Variants in RARA observed in about 807,000 individuals in gnomAD.
RARA encodes PML-DDX5-RARA fusion.
In RARA, 5 loss-of-function variants were observed where a neutral mutation model predicts 42.8. The ratio of observed to expected loss-of-function variants is 0.12; its 90% CI spans 0.06 to 0.25. The LOEUF (loss-of-function observed/expected upper bound fraction) is 0.25, where lower values mean the gene tolerates loss of function less well. Among genes scored for constraint, RARA ranks in the 10% least tolerant of loss-of-function variants. The probability of loss-of-function intolerance (pLI) is 1.00; values close to 1 mark genes in which losing one functional copy is unlikely to be tolerated. For missense variants in RARA, 402 were observed against 628.7 expected (o/e 0.64, Z 3.86); for synonymous variants, 256 against 259.5 (o/e 0.99, Z 0.13).
At chr17:40,314,971 C>T (rs1159620116) in intron 1 of RARA, among the ~76,000 whole-genome samples, 5 of 151,500 alleles carry the variant, frequency 3.3e-5, no homozygotes, top group South Asian at 2.1e-4. Context: ...GCAAGGATGG[C>T]GCTTCTCCCT....
intron 3 of RARA, 162 bp downstream of exon 3, chr17:40,348,626 C>A: frequency 1.2e-6 from 1 of 863,200 alleles, no homozygotes; most frequent in Non-Finnish European, 1.7e-6. Flanking sequence ...ACAGTTTCCC[C>A]ACAGGTCCTC....
intron 3 of RARA, chr17:40,349,550 T>G: frequency 2.0e-6 from 1 of 512,072 alleles, no homozygotes; most frequent in Non-Finnish European, 3.5e-6. Context: ...TGCTGTGGGT[T>G]GGGGGAAGAC....
At chr17:40,328,805 A>G (rs143193269) in intron 1 of RARA, among the ~76,000 whole-genome samples, 1 of 152,292 alleles carries the variant, frequency 6.6e-6, no homozygotes, top group East Asian at 1.9e-4. Flanking sequence ...CATTTTATTT[A>G]TTCGTCAGTT....
Position 40,349,764 on chromosome 17 carries a change from T to C in RARA, c.328-20T>C. Reference sequence around the variant, plus strand: ...CCACTGTGGGTGTGGACAACCTGACTCCCTCCCCTCCATACCCAGGGCTTC... The same window carrying C: ...CCACTGTGGGTGTGGACAACCTGACCCCCTCCCCTCCATACCCAGGGCTTC... On this transcript the variant is annotated intron_variant, in intron 3 of 8. Coordinates refer to ENST00000254066, the MANE Select transcript of RARA (RefSeq NM_000964.4). 1 of 1,613,470 alleles carries C rather than the reference T, an allele frequency of 6.2e-7. No homozygotes were observed. Among genetic ancestry groups the C allele is most frequent in the African/African-American group, 1.3e-5 (1 of 75,010 alleles).
intron 1 of RARA, among the ~76,000 whole-genome samples, chr17:40,321,025 C>T (rs924127361): frequency 6.6e-6 from 1 of 152,148 alleles, no homozygotes; most frequent in African/African-American, 2.4e-5. Context: ...CTCTCTGACG[C>T]CTGCTGTCTT....
intron 1 of RARA, among the ~76,000 whole-genome samples, chr17:40,328,582 C>T (rs1041399784): frequency 2.0e-5 from 3 of 152,146 alleles, no homozygotes; most frequent in Non-Finnish European, 4.4e-5. Context: ...CAGTCACTTC[C>T]CATATTCCTC....
intron 1 of RARA, among the ~76,000 whole-genome samples, chr17:40,319,824 G>T (rs993022429): frequency 6.8e-6 from 1 of 146,590 alleles, no homozygotes; most frequent in South Asian, 2.1e-4. Context: ...GGAGGGGGCC[G>T]GGGGGGGCGG....
In RARA at chr17:40,351,497, G is replaced by A; in HGVS notation, c.470-413G>A. ...AGGAGCTGCTCAGAGCCAGTCCCAA[G>A]GGACCCCCAGGGAGACTGCAGCTGG... On this transcript the variant is annotated intron_variant, in intron 4 of 8. Coordinates refer to ENST00000254066, the MANE Select transcript of RARA (RefSeq NM_000964.4). This position sits in a 1 kb window ranked among gnomAD's most constrained non-coding sequence, Gnocchi z 4.1. 2.1e-6 allele frequency: 1 copy of A among 474,202 alleles called. No individual in the cohort carries two copies. The highest frequency in any genetic ancestry group is 1.6e-5 in the South Asian group (1 of 64,436). The allele number at this position is 474,202 out of a possible 1,614,324, so 29.4% of individuals were successfully genotyped here. A position where few individuals can be genotyped will look rare whatever the true frequency, so the allele number is the denominator to read the frequency against.
intron 1 of RARA, among the ~76,000 whole-genome samples, chr17:40,330,437 G>A (rs961040074): frequency 6.6e-6 from 1 of 152,154 alleles, no homozygotes; most frequent in Admixed American, 6.5e-5. Context: ...TTTCTGAGAA[G>A]TGCCAATGCT....
At chr17:40,323,373 T>G (rs2033445509) in intron 1 of RARA, 1 of 152,288 alleles carries the variant, frequency 6.6e-6, no homozygotes, top group Admixed American at 6.5e-5. Context: ...TATACAGTTC[T>G]GGAGCCTGCT....
intron 2 of RARA, among the ~76,000 whole-genome samples, chr17:40,333,661 G>A (rs2033764894): frequency 6.6e-6 from 1 of 150,872 alleles, no homozygotes; most frequent in African/African-American, 2.4e-5. Context: ...TTTTCTCATA[G>A]GGTCTCACTC....
At chr17:40,309,950 G>T (rs1256629514) in intron 1 of RARA, among the ~76,000 whole-genome samples, 1 of 152,240 alleles carries the variant, frequency 6.6e-6, no homozygotes, top group Non-Finnish European at 1.5e-5. Context: ...GTGTGTGTGT[G>T]TGTAGGGACA....
intron 2 of RARA, among the ~76,000 whole-genome samples, chr17:40,340,190 A>G (rs2033989445): frequency 6.7e-6 from 1 of 149,502 alleles, no homozygotes; most frequent in African/African-American, 2.5e-5. Flanking sequence ...CAGCACTTCC[A>G]GTTTCCTAGG....
At chr17:40,353,348 A>C (rs1434165673) in intron 6 of RARA, among the ~76,000 whole-genome samples, 2 of 150,506 alleles carry the variant, frequency 1.3e-5, no homozygotes, top group South Asian at 2.1e-4. Context: ...TGGAGGGAGC[A>C]CTCTCCTTCC....
intron 1 of RARA, among the ~76,000 whole-genome samples, chr17:40,330,344 G>A (rs2033658869): frequency 6.6e-6 from 1 of 152,174 alleles, no homozygotes; most frequent in Non-Finnish European, 1.5e-5. Flanking sequence ...CCCAGGGCCT[G>A]TGGGACAAAC....
chr17:40,338,016 T>TA (rs2033907413), intron 2 of RARA, among the ~76,000 whole-genome samples: 1 of 152,238 alleles, frequency 6.6e-6, no homozygotes, highest in African/African-American at 2.4e-5. Flanking sequence ...ATGGAGTTTT[T>TA]AATGAAAATG....
chr17:40,319,032 GGGGT>G (rs1451527132), intron 1 of RARA, among the ~76,000 whole-genome samples: 1 of 152,164 alleles, frequency 6.6e-6, no homozygotes, highest in East Asian at 1.9e-4. Context: ...GTGCCACCAT[GGGGT>G]GTGGGAACTT....
intron 1 of RARA, among the ~76,000 whole-genome samples, chr17:40,317,969 G>A (rs369179771): frequency 1.2e-4 from 18 of 152,142 alleles, no homozygotes; most frequent in East Asian, 3.9e-4. Flanking sequence ...TCCACCGAGC[G>A]CTATTTTCAT....
Position 40,356,493 on chromosome 17 carries a change from ATGGGT to A in RARA, c.*268_*272del. The A allele has an allele frequency of 2.9e-6, 2 of 682,252 alleles. No homozygotes were observed. The highest frequency in any genetic ancestry group is 5.4e-6 in the Non-Finnish European group (2 of 371,882). 42.3% of individuals were successfully genotyped at this position (682,252 alleles called of 1,614,324 possible). A position where few individuals can be genotyped will look rare whatever the true frequency, so the allele number is the denominator to read the frequency against. On this transcript the variant is annotated 3_prime_UTR_variant, in exon 9 of 9. Coordinates refer to ENST00000254066, the MANE Select transcript of RARA (RefSeq NM_000964.4). ...GAGGCCCCTGGTCCTGGGTCTCAGGATGGGTCCTGGGGGCCTCGTGTTCATCAAGA... is the reference window on the plus strand; with the variant it reads ...GAGGCCCCTGGTCCTGGGTCTCAGGACCTGGGGGCCTCGTGTTCATCAAGA...
Sources: gnomAD v4.1 joint callset for allele counts (sites outside exome capture counted in the v4.1 genomes callset) on GRCh38, gnomAD v4.1.1 for gene constraint, Gnocchi (gnomAD v3.1) non-coding constraint, MANE v1.5 for transcripts, NCBI Gene and HGNC (gene_info 2026-07-23, HGNC 2026-07-21) for gene names.